DYNLT5: variants seen among roughly 807,000 people sequenced by gnomAD.
DYNLT5 encodes dynein light chain Tctex-type family member 5, also known as dynein light chain Tctex-type 5.
A neutral mutation model predicts 19.3 loss-of-function variants in DYNLT5; 25 were observed. The observed-to-expected ratio is 1.30, with a 90% CI of 0.95 to 1.81. The LOEUF (loss-of-function observed/expected upper bound fraction) is 1.81. DYNLT5 is among the 40% of genes most tolerant of loss of function. DYNLT5 has a pLI of 0.00. For synonymous variants in DYNLT5, 82 were observed against 68.9 expected, an observed-to-expected ratio of 1.19 and a Z score of -0.94; for missense variants, 232 against 217.9, an observed-to-expected ratio of 1.06 and a Z score of -0.41.
At chr1:66,776,076 C>A in intron 3 of DYNLT5, 1 of 517,604 alleles carries the variant, frequency 1.9e-6, no homozygotes, top group Non-Finnish European at 3.2e-6. Context: ...GAGATAGTCA[C>A]GTAAATGTAC....
chr1:66,769,029 T>G (rs1478616258), intron 2 of DYNLT5, among the ~76,000 whole-genome samples: 1 of 152,216 alleles, frequency 6.6e-6, no homozygotes, highest in Non-Finnish European at 1.5e-5. Flanking sequence ...GTAGCATATA[T>G]AGTAATGGAG....
At position 66,776,547 on chromosome 1, in the gene DYNLT5, A is replaced by G. The variant is rs72671636; in HGVS notation, c.336+144A>G. 4,651 of 742,034 alleles carry G rather than the reference A, an allele frequency of 6.3e-3. 16 individuals are homozygous for G. Among genetic ancestry groups the G allele is most frequent in the South Asian group, 0.013 (451 of 35,598 alleles). The allele number at this position is 742,034 out of a possible 1,614,324, so 46.0% of individuals were successfully genotyped here. Reference sequence around the variant, plus strand: ...TATAATTAGGTCATATTCTACATATATGTGTGTGTGTGGGTGTGTGTGTGT... The same window carrying G: ...TATAATTAGGTCATATTCTACATATGTGTGTGTGTGTGGGTGTGTGTGTGT... On this transcript the variant is annotated intron_variant, in intron 4 of 4. Transcript: ENST00000282670.
intron 2 of DYNLT5, among the ~76,000 whole-genome samples, chr1:66,769,193 G>C (rs2150865883): frequency 6.6e-6 from 1 of 152,216 alleles, no homozygotes; most frequent in African/African-American, 2.4e-5. Context: ...GAGGAAGGCA[G>C]GTGTTATAAG....
intron 3 of DYNLT5, chr1:66,770,773 A>T (rs1645199042): frequency 4.6e-6 from 2 of 433,498 alleles, no homozygotes; most frequent in African/African-American, 4.0e-5. Flanking sequence ...CTGGGTACAT[A>T]GATATGACTT....
chr1:66,777,491 T>G lies in DYNLT5; in HGVS notation c.*37T>G. 2.5e-6 allele frequency: 4 copies of G among 1,593,500 alleles called. No homozygotes were observed. Among genetic ancestry groups the G allele is most frequent in the Non-Finnish European group, 3.4e-6 (4 of 1,166,246 alleles). On this transcript the variant is annotated 3_prime_UTR_variant, in exon 5 of 5. Transcript: ENST00000282670. Reference sequence around the variant, plus strand: ...AAATCTAGCTCTTACTTTTGAAAATTCTGAGGCAGGCTGTATGTCTGTACA... The same window carrying G: ...AAATCTAGCTCTTACTTTTGAAAATGCTGAGGCAGGCTGTATGTCTGTACA...
chr1:66,761,011 T>A (rs1448397511), intron 2 of DYNLT5, among the ~76,000 whole-genome samples: 4 of 152,218 alleles, frequency 2.6e-5, no homozygotes, highest in African/African-American at 9.6e-5. Context: ...TCGAAAAAAA[T>A]ATGTTCCACA....
rs1046469576 is a variant in DYNLT5, at chr1:66,752,581, G to A, written c.-7G>A. The A allele has an allele frequency of 1.0e-6, 1 of 985,526 alleles. No homozygotes were observed. Among genetic ancestry groups the A allele is most frequent in the Non-Finnish European group, 1.2e-6 (1 of 829,974 alleles). 61.0% of individuals were successfully genotyped at this position (985,526 alleles called of 1,614,324 possible). ...AGGCTCCGGGCGAAGCCTCCCTGCT[G>A]CAGGTAGGGTCGCCTCTCTCTGCAG... is the stretch of plus-strand genomic sequence containing the variant. On this transcript the variant is annotated 5_prime_UTR_variant, in exon 1 of 5. Transcript: ENST00000282670.
At chr1:66,776,575 GTGTA>G (rs202129807) in intron 4 of DYNLT5, among the ~76,000 whole-genome samples, 172 bp downstream of exon 4, 9 of 150,354 alleles carry the variant, frequency 6.0e-5, no homozygotes, top group South Asian at 4.2e-4. Flanking sequence ...GTGTGTGTGT[GTGTA>G]TATACATAAA....
At chr1:66,759,894 T>C (rs116797755) in intron 2 of DYNLT5, among the ~76,000 whole-genome samples, 220 of 152,194 alleles carry the variant, frequency 1.4e-3, no homozygotes, top group African/African-American at 5.3e-3. Context: ...CTTTGCAACT[T>C]TATCTTCTTT....
At position 66,758,900 on chromosome 1, in the gene DYNLT5, A is replaced by G. The variant is rs187291963; in HGVS notation, c.119+4123A>G. On this transcript the variant is annotated intron_variant, in intron 2 of 4. Transcript: ENST00000282670. ...CTGCCAGAACAATTTCTTCATTTTG[A>G]TACCTGAAGGAGAAGGCTAGAGATT... Among the ~76,000 whole-genome samples the G allele has an allele frequency of 7.2e-5, 11 of 152,288 alleles. No individual in the cohort carries two copies. The East Asian group carries it at 1.3e-3, about 19-fold the overall frequency.
At chr1:66,760,075 GC>G (rs995154603) in intron 2 of DYNLT5, among the ~76,000 whole-genome samples, 11 of 151,948 alleles carry the variant, frequency 7.2e-5, no homozygotes, top group African/African-American at 2.7e-4. Context: ...GTTCATGAAG[GC>G]CTACCTTGAC....
chr1:66,777,246 T>C lies in DYNLT5; in HGVS notation c.337-5T>C. ...TGAAGACCCTCCCTTTTTTTAAATT[T>C]CTAGGTTATTAAAGCCCAGGTCAAG... On this transcript the variant is annotated splice_polypyrimidine_tract_variant and splice_region_variant and intron_variant, in intron 4 of 4. Coordinates refer to ENST00000282670, the MANE Select transcript of DYNLT5 (RefSeq NM_152665.3). 6.2e-7 allele frequency: 1 copy of C among 1,605,658 alleles called. No individual in the cohort carries two copies. The highest frequency in any genetic ancestry group is 1.1e-5 in the South Asian group (1 of 90,358).
intron 3 of DYNLT5, among the ~76,000 whole-genome samples, chr1:66,774,039 CT>C (rs550780444): frequency 1.9e-4 from 28 of 151,192 alleles, no homozygotes; most frequent in East Asian, 7.8e-4. Flanking sequence ...TGGTTAATGA[CT>C]TTTTTTTTAA....
chr1:66,776,505 C>T, intron 4 of DYNLT5, 102 bp downstream of exon 4: 1 of 1,382,098 alleles, frequency 7.2e-7, no homozygotes, highest in Non-Finnish European at 9.8e-7. Context: ...TTTGCAGTAA[C>T]AGTTAAAATG....
intron 2 of DYNLT5, among the ~76,000 whole-genome samples, chr1:66,760,825 G>A (rs1256563664): frequency 1.1e-4 from 17 of 152,142 alleles, no homozygotes; most frequent in Admixed American, 1.1e-3. Context: ...CACCTCCCTT[G>A]CTCTTGGATG....
chr1:66,762,578 C>T (rs2094647863), intron 2 of DYNLT5, among the ~76,000 whole-genome samples: 1 of 152,200 alleles, frequency 6.6e-6, no homozygotes, highest in South Asian at 2.1e-4. Context: ...TCCCATGAAT[C>T]ATAAATGTTC....
At chr1:66,759,106 T>G (rs919339074) in intron 2 of DYNLT5, among the ~76,000 whole-genome samples, 4 of 152,198 alleles carry the variant, frequency 2.6e-5, no homozygotes, top group African/African-American at 9.7e-5. Flanking sequence ...TTTAGGTTAT[T>G]AAGCCATTTC....
At chr1:66,762,286 T>C (rs2094647298) in intron 2 of DYNLT5, among the ~76,000 whole-genome samples, 1 of 152,234 alleles carries the variant, frequency 6.6e-6, no homozygotes, top group African/African-American at 2.4e-5. Context: ...CTCAAACATT[T>C]AGTATTTCTT....
chr1:66,776,169 C>G, intron 3 of DYNLT5, 110 bp from the exon 4 acceptor site: 3 of 1,396,518 alleles, frequency 2.1e-6, no homozygotes, highest in Non-Finnish European at 2.9e-6. Flanking sequence ...ATAGAGTCCA[C>G]CCAGAAGATT....
Sources: allele counts gnomAD v4.1 joint callset (sites outside exome capture counted in the v4.1 genomes callset), GRCh38; gene constraint gnomAD v4.1.1; transcripts MANE v1.5; gene names NCBI Gene and HGNC (gene_info 2026-07-23, HGNC 2026-07-21).